The following NIN variants were observed in gnomAD, a reference collection of about 807,000 sequenced individuals.
NIN encodes ninein.
In NIN, 137 loss-of-function variants were observed where a neutral mutation model predicts 257.6. The observed-to-expected ratio is 0.53, with a 90% CI of 0.46 to 0.61. The LOEUF (loss-of-function observed/expected upper bound fraction) is 0.61. Among genes scored for constraint, NIN ranks in the 20% least tolerant of loss-of-function variants. The probability of loss-of-function intolerance (pLI) is 0.00; values close to 1 mark genes in which losing one functional copy is unlikely to be tolerated. For synonymous variants in NIN, 918 were observed against 919.8 expected, an observed-to-expected ratio of 1.00 and a Z score of 0.04; for missense variants, 2,439 against 2,501.2, an observed-to-expected ratio of 0.98 and a Z score of 0.53.
At chr14:50,743,774 T>C (rs1200594443) in intron 23 of NIN, among the ~76,000 whole-genome samples, 4 of 152,302 alleles carry the variant, frequency 2.6e-5, no homozygotes, top group African/African-American at 9.6e-5. Flanking sequence ...TATTGCCTCA[T>C]GTTTTGAGGG....
At position 50,761,779 on chromosome 14, in the gene NIN, G is replaced by A; in HGVS notation, c.1896+11C>T. The A allele has an allele frequency of 6.2e-7, 1 of 1,614,016 alleles. No homozygotes were observed. The highest frequency in any genetic ancestry group is 8.5e-7 in the Non-Finnish European group (1 of 1,179,944). Reference sequence around the variant, plus strand: ...AGAAATTAGAGAAGTGGATTGGTGGGAAGGACTTACTTTATCTTCGAGCTC... The same window carrying A: ...AGAAATTAGAGAAGTGGATTGGTGGAAAGGACTTACTTTATCTTCGAGCTC... On this transcript the variant is annotated intron_variant, in intron 16 of 30. Transcript: ENST00000530997.
Position 50,756,558 on chromosome 14 carries a change from A to C in NIN, c.4472T>G (p.Leu1491Arg). ...CTGCAAGTCATGCATCATTGCCTTCAGCTCTTCCTCCTTTTCTCCGTGAGA... is the reference window on the plus strand; with the variant it reads ...CTGCAAGTCATGCATCATTGCCTTCCGCTCTTCCTCCTTTTCTCCGTGAGA... ...VLSHGEKEEE[L>R]KAMMHDLQIT... The change falls in exon 18 of 31, where the codon CTG (leucine) becomes CGG (arginine). Residue 1491 changes from leucine (L) to arginine (R), a missense_variant. Coordinates refer to ENST00000530997, the MANE Select transcript of NIN (RefSeq NM_020921.4). 1 of 1,613,412 alleles carries C rather than the reference A, an allele frequency of 6.2e-7. No homozygotes were observed.
At chr14:50,796,863 C>A (rs2043862647) in intron 4 of NIN, among the ~76,000 whole-genome samples, 1 of 152,174 alleles carries the variant, frequency 6.6e-6, no homozygotes, top group African/African-American at 2.4e-5. Flanking sequence ...GACCACTGCA[C>A]CAGATCACCA....
At chr14:50,798,314 A>G (rs560771665) in intron 4 of NIN, among the ~76,000 whole-genome samples, 3 of 152,302 alleles carry the variant, frequency 2.0e-5, no homozygotes, top group South Asian at 4.2e-4. Flanking sequence ...AGCCACCTGA[A>G]TGATGCTTCT....
intron 13 of NIN, 70 bp downstream of exon 13, chr14:50,766,710 G>T: frequency 9.4e-7 from 1 of 1,059,400 alleles, no homozygotes; most frequent in Non-Finnish European, 1.4e-6. Context: ...TGGTGGCATT[G>T]CTCCTGTTCT....
chr14:50,810,400 T>C (rs186793973), intron 3 of NIN, among the ~76,000 whole-genome samples: 1 of 152,216 alleles, frequency 6.6e-6, no homozygotes, highest in Non-Finnish European at 1.5e-5. Flanking sequence ...GGAGTAATTA[T>C]TAACATATTA....
chr14:50,743,835 G>C (rs1404721710), intron 23 of NIN, among the ~76,000 whole-genome samples: 1 of 152,100 alleles, frequency 6.6e-6, no homozygotes, highest in Non-Finnish European at 1.5e-5. Flanking sequence ...GCATACCATA[G>C]GAAGAAAACA....
chr14:50,814,897 A>G (rs1295060658), intron 3 of NIN, among the ~76,000 whole-genome samples: 1 of 152,224 alleles, frequency 6.6e-6, no homozygotes, highest in African/African-American at 2.4e-5. Context: ...AACTCAAGGT[A>G]GATTAAAGAT....
Position 50,766,776 on chromosome 14 carries a change from T to C in NIN, c.1545+4A>G. The C allele has an allele frequency of 6.3e-7, 1 of 1,596,756 alleles. No individual in the cohort carries two copies. The highest frequency in any genetic ancestry group is 8.6e-7 in the Non-Finnish European group (1 of 1,164,314). ...ATCAGGAAATGAGATTTGAACAGGT[T>C]TACCTTTTCTGCTAACACATTTTCC... On this transcript the variant is annotated splice_donor_region_variant and intron_variant, in intron 13 of 30. Coordinates refer to ENST00000530997, the MANE Select transcript of NIN (RefSeq NM_020921.4).
In NIN at chr14:50,760,291, C is replaced by T; in HGVS notation, c.1965G>A (p.Lys655=). 2 of 1,609,024 alleles carry T rather than the reference C, an allele frequency of 1.2e-6. No individual in the cohort carries two copies. Among genetic ancestry groups the T allele is most frequent in the Non-Finnish European group, 1.7e-6 (2 of 1,179,964 alleles). ...VSCKKAQENM[K]QRHENETHTL... ...TGTGCGTTTCGTTCTCATGCCTTTG[C>T]TTCATGTTCTCCTGTGCCTTCTTGC... is the stretch of plus-strand genomic sequence containing the variant. Residue 655 remains lysine, a synonymous_variant, in exon 17 of 31, where the codon AAG becomes AAA. Coordinates refer to ENST00000530997, the MANE Select transcript of NIN (RefSeq NM_020921.4).
Position 50,813,574 on chromosome 14 carries a change from G to A in NIN, c.184-6756C>T, listed in dbSNP as rs901597235. ...GAATGCTTTTTTAGAAACGCAATTT[G>A]CTTTTTTTTGAAAAAGAACTTAAGC... On this transcript the variant is annotated intron_variant, in intron 3 of 30. Coordinates refer to ENST00000530997, the MANE Select transcript of NIN (RefSeq NM_020921.4). Among the ~76,000 whole-genome samples, 8 of 152,228 alleles carry A rather than the reference G, an allele frequency of 5.3e-5. No individual in the cohort carries two copies. In the East Asian group the frequency reaches 1.5e-3, roughly 29 times the overall value.
rs919930968 is a variant in NIN at position 50,806,782 on chromosome 14, T to G, written c.220A>C (p.Ile74Leu). Residue 74 changes from isoleucine (I) to leucine (L), a missense_variant, in exon 4 of 31, where the codon ATC becomes CTC. Ile to Leu is a conservative substitution (Grantham distance 5). This residue lies in a region of NIN where 387 missense variants were observed against 427.3 expected (regional missense o/e 0.91). Transcript: ENST00000530997. Reference sequence around the variant, plus strand: ...TCATTTGACAGAGTTCTGGACAAGATGAGTATTAATGCTTCTTTAAATTGG... The same window carrying G: ...TCATTTGACAGAGTTCTGGACAAGAGGAGTATTAATGCTTCTTTAAATTGG... Reference protein sequence around the residue: ...FDQFKEALILILSRTLSNEEH... With the variant: ...FDQFKEALILLLSRTLSNEEH... 6.3e-7 allele frequency: 1 copy of G among 1,582,172 alleles called. No individual in the cohort carries two copies. Among genetic ancestry groups the G allele is most frequent in the Non-Finnish European group, 8.7e-7 (1 of 1,152,632 alleles).
At chr14:50,818,636 A>G (rs1360580650) in intron 3 of NIN, among the ~76,000 whole-genome samples, 2 of 152,188 alleles carry the variant, frequency 1.3e-5, no homozygotes, top group Non-Finnish European at 2.9e-5. Context: ...TGACAAAGAT[A>G]TGATGGAACT....
rs769432493 is a variant in NIN, at chr14:50,777,087, A to G, written c.528T>C (p.Ser176=). The change falls in exon 7 of 31, where the codon TCT becomes TCC. Residue 176 remains serine, a synonymous_variant. Coordinates refer to ENST00000530997, the MANE Select transcript of NIN (RefSeq NM_020921.4). ...CTTCTATCCAGTCTTGGGGAGGGGA[A>G]GATCCACTCTGTGAAGCATTCAAGT... The part of the protein sequence containing the change: ...PDDLNASQSG[S]SPPQDWIEEK... 14 of 1,613,996 alleles carry G rather than the reference A, an allele frequency of 8.7e-6. No individual in the cohort carries two copies. The highest frequency in any genetic ancestry group is 1.2e-5 in the Non-Finnish European group (14 of 1,179,978).
At chr14:50,818,335 A>C (rs1048836312) in intron 3 of NIN, among the ~76,000 whole-genome samples, 3 of 151,912 alleles carry the variant, frequency 2.0e-5, no homozygotes, top group East Asian at 2.0e-4. Flanking sequence ...AAAAAAAAAA[A>C]AAAACACTGG....
intron 7 of NIN, among the ~76,000 whole-genome samples, chr14:50,774,545 G>A (rs2042849125): frequency 6.6e-6 from 1 of 152,198 alleles, no homozygotes; most frequent in African/African-American, 2.4e-5. Context: ...AGATTCTGAG[G>A]TTGCCAAGAT....
intron 29 of NIN, chr14:50,727,169 A>G: frequency 1.4e-6 from 1 of 694,812 alleles, no homozygotes; most frequent in Non-Finnish European, 1.8e-6. Context: ...AACAAAAAAA[A>G]AGATAATTCA....
rs1210003204 is a variant in NIN, at chr14:50,757,871, A to G, written c.3159T>C (p.Leu1053=). The G allele has an allele frequency of 6.2e-7, 1 of 1,614,126 alleles. No individual in the cohort carries two copies. Among genetic ancestry groups the G allele is most frequent in the Admixed American group, 1.7e-5 (1 of 60,012 alleles). ...CTTCCAACAGCTGCTCCCCTTGCTGAAGCAGGGACAGGGCTCCATCTCCTT... is the reference window on the plus strand; with the variant it reads ...CTTCCAACAGCTGCTCCCCTTGCTGGAGCAGGGACAGGGCTCCATCTCCTT... ...EVEGDGALSL[L]QQGEQLLEEN... is the part of the protein sequence containing the mutation. Residue 1053 remains leucine (L), a synonymous_variant, in exon 18 of 31, where the codon CTT becomes CTC. Coordinates refer to ENST00000530997, the MANE Select transcript of NIN (RefSeq NM_020921.4).
At chr14:50,735,753 A>T in intron 27 of NIN, 136 bp from the exon 28 acceptor site, 1 of 1,144,550 alleles carries the variant, frequency 8.7e-7, no homozygotes, top group Non-Finnish European at 1.2e-6. Flanking sequence ...GTGACAAACA[A>T]ATAATACAAT....
Sources: allele counts gnomAD v4.1 joint callset (sites outside exome capture counted in the v4.1 genomes callset), GRCh38; gene constraint gnomAD v4.1.1; regional missense constraint gnomAD v4.1.1; transcripts MANE v1.5; gene names NCBI Gene and HGNC (gene_info 2026-07-23, HGNC 2026-07-21).